The following SWAP70 variants were observed in gnomAD, a reference collection of about 807,000 sequenced individuals.
SWAP70 encodes switch-associated protein 70.
A neutral mutation model predicts 80.2 loss-of-function variants in SWAP70; 34 were observed. The ratio of observed to expected loss-of-function variants is 0.42; its 90% CI spans 0.32 to 0.56. The LOEUF (loss-of-function observed/expected upper bound fraction) is 0.56, where lower values mean the gene tolerates loss of function less well. Ranked by LOEUF, SWAP70 falls within the 20% of genes least tolerant of loss-of-function variation. The pLI is 0.09. For synonymous variants in SWAP70, 239 were observed against 238.5 expected (o/e 1.00, Z -0.02); for missense variants, 578 against 690.7 (o/e 0.84, Z 1.83).
chr11:9,694,299 C>G lies in SWAP70; in HGVS notation c.240+13C>G. The G allele has an allele frequency of 2.5e-6, 4 of 1,605,136 alleles. No individual in the cohort carries two copies. Among genetic ancestry groups the G allele is most frequent in the Non-Finnish European group, 2.6e-6 (3 of 1,176,070 alleles). On this transcript the variant is annotated intron_variant, in intron 2 of 11. Coordinates refer to ENST00000318950, the MANE Select transcript of SWAP70 (RefSeq NM_015055.4). ...CATTTTGGAAAAGGTATGATTCTAA[C>G]CTTTTTTTGGGTGTAGCATTGTTTG...
intron 11 of SWAP70, among the ~76,000 whole-genome samples, chr11:9,749,522 A>G (rs1392292386): frequency 6.6e-6 from 1 of 152,248 alleles, no homozygotes; most frequent in Non-Finnish European, 1.5e-5. Context: ...CTGGAATTAC[A>G]GGCGTGAGCC....
At chr11:9,713,131 CTG>C (rs1851020994) in intron 2 of SWAP70, among the ~76,000 whole-genome samples, 1 of 152,144 alleles carries the variant, frequency 6.6e-6, no homozygotes, top group Non-Finnish European at 1.5e-5. Context: ...GCACATGAAA[CTG>C]TAACTATTTG....
chr11:9,741,559 G>A (rs773774110), intron 9 of SWAP70: 2 of 152,182 alleles, frequency 1.3e-5, no homozygotes, highest in South Asian at 2.1e-4. Flanking sequence ...AATTTGAGCC[G>A]TGTTGAGAGT....
At chr11:9,714,743 C>G (rs1279014158) in intron 3 of SWAP70, among the ~76,000 whole-genome samples, 1 of 151,264 alleles carries the variant, frequency 6.6e-6, no homozygotes, top group Non-Finnish European at 1.5e-5. Context: ...TCCAGCTTGA[C>G]TGAGTTGCCA....
At chr11:9,703,301 T>G in intron 2 of SWAP70, 1 of 454,094 alleles carries the variant, frequency 2.2e-6, no homozygotes, top group Non-Finnish European at 4.4e-6. Context: ...GTTACGGATA[T>G]ACCATGTTTT....
At chr11:9,689,571 T>G (rs192314598) in intron 1 of SWAP70, among the ~76,000 whole-genome samples, 14 of 152,314 alleles carry the variant, frequency 9.2e-5, no homozygotes, top group South Asian at 4.1e-4. Flanking sequence ...CGGGATAAAT[T>G]CAGCTTTTTC....
chr11:9,738,353 A>T, intron 8 of SWAP70, 33 bp downstream of exon 8: 1 of 1,528,866 alleles, frequency 6.5e-7, no homozygotes, highest in Non-Finnish European at 8.9e-7. Context: ...AAGCAGCTGC[A>T]GTAGCTCAGC....
rs1851266752 is a variant in SWAP70, at chr11:9,729,420, A to C, written c.867A>C (p.Ser289=). The C allele has an allele frequency of 3.1e-6, 5 of 1,612,822 alleles. No homozygotes were observed. Among genetic ancestry groups the C allele is most frequent in the Non-Finnish European group, 4.2e-6 (5 of 1,179,016 alleles). The change falls in exon 6 of 12, where the codon TCA becomes TCC. Residue 289 remains serine (S), a synonymous_variant. Coordinates refer to ENST00000318950, the MANE Select transcript of SWAP70 (RefSeq NM_015055.4). Reference sequence around the variant, plus strand: ...ATAAGACTTTTGAAATCAGTGCTTCAGATAAGAAGAAGAAACAGGAGTGGA... The same window carrying C: ...ATAAGACTTTTGAAATCAGTGCTTCCGATAAGAAGAAGAAACAGGAGTGGA... ...CFDKTFEISA[S]DKKKKQEWIQ... is the part of the protein sequence containing the mutation.
chr11:9,700,129 A>G (rs1289367852), intron 2 of SWAP70, among the ~76,000 whole-genome samples: 1 of 152,082 alleles, frequency 6.6e-6, no homozygotes, highest in Non-Finnish European at 1.5e-5. Context: ...TAGTTTTAAA[A>G]TGTTCTTTGT....
chr11:9,710,660 T>C (rs1170469276), intron 2 of SWAP70, among the ~76,000 whole-genome samples: 1 of 151,938 alleles, frequency 6.6e-6, no homozygotes, highest in Admixed American at 6.6e-5. Context: ...GATATGGCTT[T>C]TTTTTTTTTA....
At chr11:9,740,777 G>A (rs1273141985) in intron 9 of SWAP70, 1 of 189,890 alleles carries the variant, frequency 5.3e-6, no homozygotes, top group Non-Finnish European at 1.1e-5. Flanking sequence ...GAAATATGCA[G>A]TTTCTATTTG....
At chr11:9,676,672 C>T (rs1193869367) in intron 1 of SWAP70, among the ~76,000 whole-genome samples, 25 of 133,376 alleles carry the variant, frequency 1.9e-4, no homozygotes, top group African/African-American at 4.5e-4. Flanking sequence ...TTTTTTGAGA[C>T]GGAGTCTTGC....
chr11:9,748,117 A>T, intron 10 of SWAP70, 61 bp downstream of exon 10: 1 of 1,526,880 alleles, frequency 6.5e-7, no homozygotes, highest in Non-Finnish European at 8.9e-7. Flanking sequence ...TTTCTCAATA[A>T]TAGAATTATT....
rs148097618 is a variant in SWAP70, at chr11:9,664,179, C to A, written c.-1C>A. 6.4e-6 allele frequency: 10 copies of A among 1,574,000 alleles called. No homozygotes were observed. The African/African-American group carries it at 1.4e-4, about 21-fold the overall frequency. On this transcript the variant is annotated 5_prime_UTR_variant, in exon 1 of 12. Transcript: ENST00000318950. Reference sequence around the variant, plus strand: ...GTTGGCGGGGCAGCAGGGCCGCGGCCATGGGGAGCTTGAAGGAGGAGCTGC... The same window carrying A: ...GTTGGCGGGGCAGCAGGGCCGCGGCAATGGGGAGCTTGAAGGAGGAGCTGC...
intron 3 of SWAP70, among the ~76,000 whole-genome samples, 198 bp from the exon 4 acceptor site, chr11:9,724,460 T>C (rs1323897048): frequency 6.6e-6 from 1 of 152,246 alleles, no homozygotes; most frequent in African/African-American, 2.4e-5. Flanking sequence ...ATTCCTTTAC[T>C]TATTCTGCAC....
chr11:9,720,055 A>C lies in SWAP70; in HGVS notation c.415-4603A>C, dbSNP rs144084120. ...GGAAGTAAGCTGCTTCCTGAAACTG[A>C]ATGAGCTCTTAGAATTGATGCAGGC... On this transcript the variant is annotated intron_variant, in intron 3 of 11. Transcript: ENST00000318950. The C allele has an allele frequency of 5.1e-6, 5 of 985,308 alleles. No individual in the cohort carries two copies. The East Asian group carries it at 5.7e-4, about 112-fold the overall frequency. 61.0% of individuals were successfully genotyped at this position (985,308 alleles called of 1,614,324 possible).
intron 6 of SWAP70, 53 bp from the exon 7 acceptor site, chr11:9,732,476 C>A: frequency 2.0e-6 from 3 of 1,527,546 alleles, no homozygotes; most frequent in Middle Eastern, 1.7e-4. Context: ...AGTAGGCTTA[C>A]AAAGAATAAA....
intron 9 of SWAP70, among the ~76,000 whole-genome samples, chr11:9,746,187 C>A (rs764130924): frequency 2.0e-5 from 3 of 152,208 alleles, no homozygotes; most frequent in Non-Finnish European, 4.4e-5. Context: ...TGTGCCTCCA[C>A]CATACCCTAG....
chr11:9,668,411 G>A (rs925933888), intron 1 of SWAP70, among the ~76,000 whole-genome samples: 1 of 152,174 alleles, frequency 6.6e-6, no homozygotes, highest in Non-Finnish European at 1.5e-5. Flanking sequence ...TCTCTCTCTT[G>A]TCTGTATGAG....
Sources: allele counts gnomAD v4.1 joint callset (sites outside exome capture counted in the v4.1 genomes callset), GRCh38; gene constraint gnomAD v4.1.1; transcripts MANE v1.5; gene names NCBI Gene and HGNC (gene_info 2026-07-23, HGNC 2026-07-21).